The following TASP1 variants were observed in gnomAD, a reference collection of about 807,000 sequenced individuals.
The protein encoded by TASP1 is taspase 1, also known as threonine aspartase 1.
Under a neutral mutation model 56.6 loss-of-function variants are expected in TASP1, and 16 were observed. The observed-to-expected ratio is 0.28, with a 90% CI of 0.19 to 0.43. TASP1 has a LOEUF of 0.43. Among genes scored for constraint, TASP1 ranks in the 20% least tolerant of loss-of-function variants. The pLI is 1.00. For missense variants in TASP1, 393 were observed against 511.6 expected (o/e 0.77, Z 2.24); for synonymous variants, 179 against 184.2 (o/e 0.97, Z 0.23).
At chr20:13,160,912 G>T in the TASP1 span, among the ~76,000 whole-genome samples, 18 of 152,288 alleles carry the variant, frequency 1.2e-4, no homozygotes, top group African/African-American at 4.3e-4. Flanking sequence ...TTTGAGCCAG[G>T]CCTTTTTAAT....
In TASP1 at chr20:13,526,134, C is replaced by T. The variant is rs183445842; in HGVS notation, c.874+2299G>A. Among the ~76,000 whole-genome samples the T allele has an allele frequency of 2.6e-3, 401 of 152,190 alleles. 8 individuals carry two copies. The highest frequency in any genetic ancestry group is 1.9e-4 in the Non-Finnish European group (13 of 68,000). On this transcript the variant is annotated intron_variant, in intron 10 of 13. Coordinates refer to ENST00000337743, the MANE Select transcript of TASP1 (RefSeq NM_017714.3). ...TGTTCTTATTCCAACTTGCACATCA[C>T]CAATTTTAAAATAAGGGTAGGGGAC...
the TASP1 span, among the ~76,000 whole-genome samples, chr20:13,181,411 C>A: frequency 3.3e-5 from 5 of 152,144 alleles, no homozygotes; most frequent in Non-Finnish European, 5.9e-5. Context: ...AAATCCTTGT[C>A]CCTGGGTCTG....
the TASP1 span, among the ~76,000 whole-genome samples, chr20:13,365,355 G>A: frequency 3.3e-5 from 5 of 152,190 alleles, no homozygotes; most frequent in South Asian, 8.3e-4. Flanking sequence ...ATACTCTAAT[G>A]TAAAAGATGG....
chr20:13,398,353 C>T (rs993482326), intron 13 of TASP1, among the ~76,000 whole-genome samples: 10 of 151,832 alleles, frequency 6.6e-5, no homozygotes, highest in Non-Finnish European at 1.3e-4. Context: ...TCTGCTGGGT[C>T]CTGGCAGGTG....
intron 10 of TASP1, among the ~76,000 whole-genome samples, chr20:13,500,964 T>C (rs1416982079): frequency 3.3e-5 from 5 of 151,890 alleles, no homozygotes; most frequent in African/African-American, 9.7e-5. Context: ...GGAAAGCAAA[T>C]ATGAAATATT....
chr20:13,284,520 G>C, the TASP1 span, among the ~76,000 whole-genome samples: 1 of 152,202 alleles, frequency 6.6e-6, no homozygotes, highest in Admixed American at 6.5e-5. Context: ...GTGGCCCCTG[G>C]TAGGTGAGCA....
At chr20:13,251,468 A>G in the TASP1 span, among the ~76,000 whole-genome samples, 1 of 152,200 alleles carries the variant, frequency 6.6e-6, no homozygotes, top group South Asian at 2.1e-4. Flanking sequence ...AATGGGAGAA[A>G]GTCCACTTTG....
intron 13 of TASP1, among the ~76,000 whole-genome samples, chr20:13,399,814 A>C (rs1290766259): frequency 6.6e-6 from 1 of 152,188 alleles, no homozygotes; most frequent in Non-Finnish European, 1.5e-5. Flanking sequence ...AATACTGACC[A>C]TGGATAAAAA....
chr20:13,454,842 G>A (rs1275254490), intron 11 of TASP1, among the ~76,000 whole-genome samples: 1 of 152,036 alleles, frequency 6.6e-6, no homozygotes, highest in Non-Finnish European at 1.5e-5. Flanking sequence ...TAATTCAGCA[G>A]AGCTCCAAAT....
In TASP1 at chr20:13,491,140, C is replaced by T. The variant is rs1366635177; in HGVS notation, c.875-7803G>A. ...TGCTTCAAATCAAGCTAAGCCTTTA[C>T]ATAGGGTAAAAATGACCACCTAGGT... is the stretch of plus-strand genomic sequence containing the variant. On this transcript the variant is annotated intron_variant, in intron 10 of 13. Coordinates refer to ENST00000337743, the MANE Select transcript of TASP1 (RefSeq NM_017714.3). 3.9e-5 allele frequency among the ~76,000 whole-genome samples: 6 copies of T among 152,112 alleles called. No homozygotes were observed. In the South Asian group the frequency reaches 6.2e-4, roughly 16 times the overall value.
At chr20:13,253,228 C>A in the TASP1 span, among the ~76,000 whole-genome samples, 1 of 152,164 alleles carries the variant, frequency 6.6e-6, no homozygotes, top group African/African-American at 2.4e-5. Flanking sequence ...TCTCACCCTG[C>A]GTGTTGATCT....
chr20:13,181,803 T>C, the TASP1 span, among the ~76,000 whole-genome samples: 6 of 152,162 alleles, frequency 3.9e-5, no homozygotes, highest in Admixed American at 1.3e-4. Context: ...ATCTGTAAAA[T>C]CAGATCTTAA....
chr20:13,294,084 G>A, the TASP1 span, among the ~76,000 whole-genome samples: 171 of 152,294 alleles, frequency 1.1e-3, 3 homozygotes, highest in East Asian at 0.028. Flanking sequence ...CCAAAGGGTC[G>A]GCCATGATGT....
chr20:13,424,765 G>A (rs2042562984), intron 12 of TASP1, among the ~76,000 whole-genome samples: 1 of 152,026 alleles, frequency 6.6e-6, no homozygotes, highest in African/African-American at 2.4e-5. Context: ...AAAGCCCAGG[G>A]CTTTGTGGGA....
chr20:13,380,265 C>T, the TASP1 span, among the ~76,000 whole-genome samples: 6 of 152,146 alleles, frequency 3.9e-5, no homozygotes, highest in African/African-American at 4.8e-5. Flanking sequence ...TTTGTGTGGG[C>T]GTCCTTTTTG....
At chr20:13,604,077 T>C (rs1329058533) in intron 4 of TASP1, among the ~76,000 whole-genome samples, 1 of 152,196 alleles carries the variant, frequency 6.6e-6, no homozygotes, top group Non-Finnish European at 1.5e-5. Context: ...CACTGACTCC[T>C]ACCCAGTTTT....
intron 6 of TASP1, among the ~76,000 whole-genome samples, chr20:13,569,843 A>G (rs1301670831): frequency 2.0e-5 from 3 of 152,110 alleles, no homozygotes; most frequent in Non-Finnish European, 4.4e-5. Flanking sequence ...CTCAAACATA[A>G]TAAGATGTAA....
At chr20:13,326,378 A>T in the TASP1 span, among the ~76,000 whole-genome samples, 1 of 152,250 alleles carries the variant, frequency 6.6e-6, no homozygotes, top group Non-Finnish European at 1.5e-5. Context: ...TATATATTCG[A>T]TTTAAGTATA....
chr20:13,577,328 A>C (rs548620353), intron 6 of TASP1, among the ~76,000 whole-genome samples: 2 of 152,202 alleles, frequency 1.3e-5, no homozygotes, highest in Non-Finnish European at 2.9e-5. Context: ...CCTATCCTAG[A>C]TGGCAGAAAA....
Sources: allele counts gnomAD v4.1 joint callset (sites outside exome capture counted in the v4.1 genomes callset), GRCh38; gene constraint gnomAD v4.1.1; transcripts MANE v1.5; gene names NCBI Gene and HGNC (gene_info 2026-07-23, HGNC 2026-07-21).